GPHN: variants seen among roughly 807,000 people sequenced by gnomAD.
GPHN encodes the protein gephyrin.
GPHN carries 17 observed loss-of-function variants against 95.5 expected under a neutral mutation model. The observed-to-expected ratio is 0.18, with a 90% CI of 0.12 to 0.27. The LOEUF (loss-of-function observed/expected upper bound fraction) is 0.27, where lower values mean the gene tolerates loss of function less well. Among genes scored for constraint, GPHN ranks in the 10% least tolerant of loss-of-function variants. The pLI, the probability that GPHN is intolerant of heterozygous loss-of-function variation, is 1.00. For synonymous variants in GPHN, 320 were observed against 322.5 expected (o/e 0.99, Z 0.08); for missense variants, 660 against 978.1 (o/e 0.67, Z 4.34).
At chr14:67,312,723 A>G in the GPHN span, 3 of 1,562,946 alleles carry the variant, frequency 1.9e-6, no homozygotes, top group East Asian at 4.6e-5. Flanking sequence ...AAGACACAAT[A>G]TGGTAGAAAG....
At chr14:66,558,571 A>G (rs929441960) in intron 1 of GPHN, among the ~76,000 whole-genome samples, 3 of 152,084 alleles carry the variant, frequency 2.0e-5, no homozygotes, top group Admixed American at 6.6e-5. Context: ...CTTAGTCTTG[A>G]TATGTAATCC....
intron 8 of GPHN, among the ~76,000 whole-genome samples, chr14:66,956,402 TAATGGG>T (rs1433302501): frequency 6.6e-6 from 1 of 152,192 alleles, no homozygotes; most frequent in Non-Finnish European, 1.5e-5. Context: ...ATACACCCAG[TAATGGG>T]ATGGCTGGGT....
the GPHN span, among the ~76,000 whole-genome samples, chr14:67,607,938 G>T: frequency 6.6e-6 from 1 of 152,062 alleles, no homozygotes; most frequent in Non-Finnish European, 1.5e-5. Flanking sequence ...ACCAACCAAG[G>T]GTGGAAAATA....
At chr14:67,474,427 C>T in the GPHN span, among the ~76,000 whole-genome samples, 1 of 152,174 alleles carries the variant, frequency 6.6e-6, no homozygotes, top group Non-Finnish European at 1.5e-5. Flanking sequence ...CACCAATCAG[C>T]CCCATTTCTA....
chr14:67,345,203 C>T, the GPHN span, among the ~76,000 whole-genome samples: 1 of 151,898 alleles, frequency 6.6e-6, no homozygotes, highest in Non-Finnish European at 1.5e-5. Flanking sequence ...GATTATGCCA[C>T]TGCACTCCAG....
chr14:67,321,981 T>C, the GPHN span, among the ~76,000 whole-genome samples: 71 of 152,334 alleles, frequency 4.7e-4, no homozygotes, highest in Admixed American at 4.6e-4. Context: ...TTAACAAGTA[T>C]CACAGTGAAT....
chr14:67,089,112 T>A, intron 12 of GPHN, 37 bp downstream of exon 12: 1 of 780,478 alleles, frequency 1.3e-6, no homozygotes, highest in Non-Finnish European at 2.1e-6. Context: ...AATCAGGCAC[T>A]GTATTTTTTT....
rs191739213 is a variant in GPHN at position 66,607,392 on chromosome 14, G to T, written c.65-73715G>T. Among the ~76,000 whole-genome samples the T allele has an allele frequency of 1.3e-3, 201 of 150,926 alleles. 1 individual carries two copies. Among genetic ancestry groups the T allele is most frequent in the Admixed American group, 2.2e-3 (34 of 15,154 alleles). On this transcript the variant is annotated intron_variant, in intron 1 of 22. Transcript: ENST00000478722. ...TTCGCTAGTTTTTTTTTGTATTTTT[G>T]TGTTTTTTTTTGTTTTTTTAGGGTT...
intron 2 of GPHN, among the ~76,000 whole-genome samples, chr14:66,742,752 G>A (rs2072898268): frequency 6.6e-6 from 1 of 151,862 alleles, no homozygotes; most frequent in Non-Finnish European, 1.5e-5. Context: ...TGTTCTTCTT[G>A]TTTTTGTTTT....
the GPHN span, among the ~76,000 whole-genome samples, chr14:67,532,722 AT>A: frequency 6.6e-6 from 1 of 152,124 alleles, no homozygotes; most frequent in Non-Finnish European, 1.5e-5. Context: ...GTCGTAACTT[AT>A]TTTTTCTTTT....
At chr14:67,224,452 G>C in the GPHN span, among the ~76,000 whole-genome samples, 1 of 151,790 alleles carries the variant, frequency 6.6e-6, no homozygotes, top group Non-Finnish European at 1.5e-5. Flanking sequence ...AGTAGAGATG[G>C]GGTTTCATTG....
intron 1 of GPHN, among the ~76,000 whole-genome samples, chr14:66,571,875 T>A (rs552633175): frequency 1.3e-5 from 2 of 152,302 alleles, no homozygotes; most frequent in African/African-American, 4.8e-5. Flanking sequence ...GCTTTTCCCC[T>A]AGGATTTCTG....
At chr14:67,586,504 A>C in the GPHN span, 1 of 928,766 alleles carries the variant, frequency 1.1e-6, no homozygotes, top group Non-Finnish European at 1.5e-6. Context: ...ATTAGCTACA[A>C]AGTGGGACAG....
intron 17 of GPHN, among the ~76,000 whole-genome samples, chr14:67,134,122 T>G (rs534508866): frequency 6.6e-6 from 1 of 152,362 alleles, no homozygotes; most frequent in South Asian, 2.1e-4. Flanking sequence ...ATTCTGATGT[T>G]AGCTAGTCCA....
At chr14:66,839,247 A>C (rs1447768587) in intron 4 of GPHN, among the ~76,000 whole-genome samples, 1 of 152,244 alleles carries the variant, frequency 6.6e-6, no homozygotes, top group Non-Finnish European at 1.5e-5. Flanking sequence ...CAAAGGCAAC[A>C]ATGTGGAAGA....
intron 11 of GPHN, among the ~76,000 whole-genome samples, chr14:67,088,552 T>C (rs1221373489): frequency 6.6e-6 from 1 of 152,208 alleles, no homozygotes; most frequent in East Asian, 1.9e-4. Flanking sequence ...ATTTTTTCTA[T>C]TGTAAGCAAC....
At chr14:67,049,373 G>A (rs960301811) in intron 10 of GPHN, among the ~76,000 whole-genome samples, 3 of 143,796 alleles carry the variant, frequency 2.1e-5, no homozygotes, top group African/African-American at 5.2e-5. Flanking sequence ...GACTACAGGC[G>A]CCCGCCACCA....
chr14:66,628,508 A>G (rs2063605773), intron 1 of GPHN, among the ~76,000 whole-genome samples: 1 of 152,144 alleles, frequency 6.6e-6, no homozygotes, highest in African/African-American at 2.4e-5. Context: ...GATATAAGGC[A>G]CTTACCATGA....
chr14:66,969,340 A>G (rs901605905), intron 9 of GPHN: 1 of 152,218 alleles, frequency 6.6e-6, no homozygotes, highest in African/African-American at 2.4e-5. Flanking sequence ...TTAAAGAAGT[A>G]TAGACAATAT....
Sources: allele counts gnomAD v4.1 joint callset (sites outside exome capture counted in the v4.1 genomes callset), GRCh38; gene constraint gnomAD v4.1.1; transcripts MANE v1.5; gene names NCBI Gene and HGNC (gene_info 2026-07-23, HGNC 2026-07-21).